Variants in BCAS4 observed in about 807,000 individuals in gnomAD.
BCAS4 encodes breast carcinoma-amplified sequence 4.
A neutral mutation model predicts 15.7 loss-of-function variants in BCAS4; 9 were observed. The ratio of observed to expected loss-of-function variants is 0.57; its 90% CI spans 0.34 to 1.00. The LOEUF (loss-of-function observed/expected upper bound fraction) is 1.00, where lower values mean the gene tolerates loss of function less well. Ranked by LOEUF, BCAS4 falls within the 50% of genes least tolerant of loss-of-function variation. The pLI is 0.02. For synonymous variants in BCAS4, 101 were observed against 99.5 expected, an observed-to-expected ratio of 1.02 and a Z score of -0.09; for missense variants, 225 against 239.1, an observed-to-expected ratio of 0.94 and a Z score of 0.39.
At chr20:50,847,941 A>G (rs1343069284) in intron 4 of BCAS4, among the ~76,000 whole-genome samples, 2 of 152,066 alleles carry the variant, frequency 1.3e-5, no homozygotes, top group Non-Finnish European at 2.9e-5. Flanking sequence ...GCTACTCAGG[A>G]GGTGGAAGGA....
At chr20:50,821,648 G>T (rs2088218138) in intron 2 of BCAS4, among the ~76,000 whole-genome samples, 1 of 152,212 alleles carries the variant, frequency 6.6e-6, no homozygotes. Flanking sequence ...TCGGTCTTCA[G>T]AAACACTGTT....
intron 2 of BCAS4, among the ~76,000 whole-genome samples, 176 bp downstream of exon 2, chr20:50,818,458 C>G (rs1397026704): frequency 1.3e-5 from 2 of 152,128 alleles, no homozygotes; most frequent in Non-Finnish European, 2.9e-5. Context: ...CTCTCTCGCT[C>G]TCTCTCTCTC....
chr20:50,804,368 C>A (rs1485226036), intron 1 of BCAS4, among the ~76,000 whole-genome samples: 4 of 152,060 alleles, frequency 2.6e-5, no homozygotes, highest in Non-Finnish European at 4.4e-5. Flanking sequence ...GTTTTGGAGA[C>A]CTTTTTATAT....
chr20:50,865,712 T>G (rs1454643843), intron 4 of BCAS4, among the ~76,000 whole-genome samples: 2 of 152,094 alleles, frequency 1.3e-5, no homozygotes, highest in African/African-American at 4.8e-5. Context: ...CTGTGGTCAC[T>G]GGGCCGGCAG....
chr20:50,848,375 C>T (rs908902183), intron 4 of BCAS4, among the ~76,000 whole-genome samples: 5 of 152,162 alleles, frequency 3.3e-5, no homozygotes, highest in Non-Finnish European at 5.9e-5. Flanking sequence ...GGTGTGGAGT[C>T]AGAAGAAAGA....
chr20:50,809,069 G>C (rs553879776), intron 1 of BCAS4, among the ~76,000 whole-genome samples: 1 of 152,246 alleles, frequency 6.6e-6, no homozygotes, highest in Admixed American at 6.5e-5. Context: ...AATTATCCCA[G>C]CAGCATTTGT....
intron 3 of BCAS4, chr20:50,840,801 C>T (rs745912039): frequency 2.4e-6 from 3 of 1,256,154 alleles, no homozygotes; most frequent in Non-Finnish European, 3.5e-6. Context: ...GAAGTCTGGT[C>T]TGCGTAGTGG....
At position 50,851,716 on chromosome 20, in the gene BCAS4, T is replaced by C. The variant is rs138519883; in HGVS notation, c.399+9816T>C. ...CTGCCATCCTGGGGTTGTTGGACAT[T>C]GTTTGCGGCCTTTGCACATGCCGGT... On this transcript the variant is annotated intron_variant, in intron 4 of 4. Coordinates refer to ENST00000371608, the MANE Select transcript of BCAS4 (RefSeq NM_198799.4). The surrounding 1 kb of genome is among the most constrained non-coding windows in gnomAD (Gnocchi z 4.3). Among the ~76,000 whole-genome samples, 107 of 152,170 alleles carry C rather than the reference T, an allele frequency of 7.0e-4. No individual in the cohort carries two copies. The highest frequency in any genetic ancestry group is 2.4e-3 in the African/African-American group (99 of 41,518).
At position 50,841,697 on chromosome 20, in the gene BCAS4, A is replaced by T. The variant is rs2088483214; in HGVS notation, c.265-69A>T. On this transcript the variant is annotated intron_variant, in intron 3 of 4. Transcript: ENST00000371608. ...AAAGGCCTGGAGTCCCCACCAGCCC[A>T]GGGAGTGTGGCCAGGAATGGGCTCC... 1.9e-6 allele frequency: 3 copies of T among 1,607,920 alleles called. No homozygotes were observed. The Admixed American group carries it at 5.0e-5, about 27-fold the overall frequency.
At chr20:50,839,072 A>G (rs1428642851) in intron 3 of BCAS4, among the ~76,000 whole-genome samples, 2 of 152,186 alleles carry the variant, frequency 1.3e-5, no homozygotes, top group African/African-American at 2.4e-5. Context: ...TCATGGTATT[A>G]TTGAAGGAGA....
chr20:50,805,956 G>A (rs1008948768), intron 1 of BCAS4, among the ~76,000 whole-genome samples: 1 of 147,788 alleles, frequency 6.8e-6, no homozygotes, highest in South Asian at 2.1e-4. Context: ...CAGCCTGGGC[G>A]ACAGAGCGAG....
At position 50,831,690 on chromosome 20, in the gene BCAS4, A is replaced by G. The variant is rs558702511; in HGVS notation, c.264+1310A>G. 7.9e-5 allele frequency among the ~76,000 whole-genome samples: 12 copies of G among 152,252 alleles called. No individual in the cohort carries two copies. The South Asian group carries it at 2.5e-3, about 32-fold the overall frequency. ...ACTAGTTACATCAAGACAGGACTCC[A>G]GCTCATATGTGCCAGTGCAGACACT... On this transcript the variant is annotated intron_variant, in intron 3 of 4. Transcript: ENST00000371608.
At position 50,799,398 on chromosome 20, in the gene BCAS4, G is replaced by A. The variant is rs78187059; in HGVS notation, c.90+4225G>A. Among the ~76,000 whole-genome samples the A allele has an allele frequency of 2.5e-3, 383 of 152,258 alleles. 1 individual carries two copies. The highest frequency in any genetic ancestry group is 8.7e-3 in the African/African-American group (361 of 41,558). On this transcript the variant is annotated intron_variant, in intron 1 of 4. Coordinates refer to ENST00000371608, the MANE Select transcript of BCAS4 (RefSeq NM_198799.4). ...ATTTACCAAAAGAAACAGAAACTGCGCCAGAGCAGAGTCACATGCAGCCTC... is the reference window on the plus strand; with the variant it reads ...ATTTACCAAAAGAAACAGAAACTGCACCAGAGCAGAGTCACATGCAGCCTC...
At chr20:50,876,432 C>G in intron 4 of BCAS4, 54 bp from the exon 5 acceptor site, 1 of 1,596,682 alleles carries the variant, frequency 6.3e-7, no homozygotes, top group South Asian at 1.1e-5. Flanking sequence ...ATTCCTGGGT[C>G]ATGGAACAAG....
chr20:50,801,610 G>A (rs1033372503), intron 1 of BCAS4, among the ~76,000 whole-genome samples: 2 of 152,036 alleles, frequency 1.3e-5, no homozygotes, highest in Non-Finnish European at 2.9e-5. Flanking sequence ...CAAAGTGTTG[G>A]AATTACAGGC....
rs2087923461 is a variant in BCAS4, at chr20:50,801,254, C to G, written c.90+6081C>G. 2.0e-5 allele frequency among the ~76,000 whole-genome samples: 3 copies of G among 152,074 alleles called. No individual in the cohort carries two copies. The South Asian group carries it at 6.2e-4, about 32-fold the overall frequency. On this transcript the variant is annotated intron_variant, in intron 1 of 4. Coordinates refer to ENST00000371608, the MANE Select transcript of BCAS4 (RefSeq NM_198799.4). Reference sequence around the variant, plus strand: ...CCAGGATGGCCAACATGGTGAAACCCTGTCTCTACTAAAAATACAAAATTA... The same window carrying G: ...CCAGGATGGCCAACATGGTGAAACCGTGTCTCTACTAAAAATACAAAATTA...
At chr20:50,798,439 C>T (rs2087892091) in intron 1 of BCAS4, among the ~76,000 whole-genome samples, 1 of 152,030 alleles carries the variant, frequency 6.6e-6, no homozygotes, top group African/African-American at 2.4e-5. Context: ...TTTGGGAGGC[C>T]AAGACTGGAG....
At chr20:50,830,171 C>A in intron 2 of BCAS4, 108 bp from the exon 3 acceptor site, 1 of 844,172 alleles carries the variant, frequency 1.2e-6, no homozygotes, top group Non-Finnish European at 1.9e-6. Flanking sequence ...TGCCACCTGG[C>A]ACCTCAGCCA....
chr20:50,852,436 C>T lies in BCAS4; in HGVS notation c.399+10536C>T, dbSNP rs62205174. On this transcript the variant is annotated intron_variant, in intron 4 of 4. Coordinates refer to ENST00000371608, the MANE Select transcript of BCAS4 (RefSeq NM_198799.4). ...ACACTCTGTTGCCCAGGCTGGAGTG[C>T]GGTGGCCTGATCTTAGCTCGCTGCA... 5.9e-5 allele frequency among the ~76,000 whole-genome samples: 9 copies of T among 152,130 alleles called. 1 individual carries two copies. The South Asian group carries it at 6.2e-4, about 11-fold the overall frequency.
Sources: allele counts gnomAD v4.1 joint callset (sites outside exome capture counted in the v4.1 genomes callset), GRCh38; gene constraint gnomAD v4.1.1; non-coding constraint Gnocchi (gnomAD v3.1); transcripts MANE v1.5; gene names NCBI Gene and HGNC (gene_info 2026-07-23, HGNC 2026-07-21).